ALPK2: variants seen among roughly 807,000 people sequenced by gnomAD.
ALPK2 encodes alpha kinase 2.
Under a neutral mutation model 163.1 loss-of-function variants are expected in ALPK2, and 127 were observed. That is an observed-to-expected ratio of 0.78 (90% CI 0.67 to 0.90). The LOEUF (loss-of-function observed/expected upper bound fraction) is 0.90, where lower values mean the gene tolerates loss of function less well. ALPK2 is among the 40% of genes least tolerant of loss of function. The pLI, the probability that ALPK2 is intolerant of heterozygous loss-of-function variation, is 0.00. For synonymous variants in ALPK2, 953 were observed against 959.1 expected, an observed-to-expected ratio of 0.99 and a Z score of 0.12; for missense variants, 2,360 against 2,589.6, an observed-to-expected ratio of 0.91 and a Z score of 1.92.
intron 8 of ALPK2, among the ~76,000 whole-genome samples, chr18:58,521,950 G>A (rs969597698): frequency 2.0e-5 from 3 of 151,972 alleles, no homozygotes; most frequent in East Asian, 1.9e-4. Flanking sequence ...TTTCTAAGTC[G>A]AGATCTCAGT....
Position 58,536,948 on chromosome 18 carries a change from G to A in ALPK2, c.3239C>T (p.Pro1080Leu), listed in dbSNP as rs1366362506. 1.2e-6 allele frequency: 2 copies of A among 1,614,058 alleles called. No homozygotes were observed. The highest frequency in any genetic ancestry group is 2.2e-5 in the East Asian group (1 of 44,892). ...KELLCRAPSV[P>L]GVPHHVLQLP... Reference sequence around the variant, plus strand: ...CTGCAGGACATGGTGTGGGACTCCTGGCACACTGGGTGCCCTGCAAAGTAG... The same window carrying A: ...CTGCAGGACATGGTGTGGGACTCCTAGCACACTGGGTGCCCTGCAAAGTAG... Residue 1080 changes from proline to leucine, a missense_variant, in exon 5 of 13, where the codon CCA (proline) becomes CTA (leucine). Transcript: ENST00000361673.
intron 6 of ALPK2, among the ~76,000 whole-genome samples, chr18:58,526,421 T>C (rs745444726): frequency 6.6e-6 from 1 of 152,116 alleles, no homozygotes; most frequent in African/African-American, 2.4e-5. Flanking sequence ...TCCAAGGAGA[T>C]CCTCCCATCC....
At chr18:58,538,563 A>C in intron 4 of ALPK2, 1 of 255,218 alleles carries the variant, frequency 3.9e-6, no homozygotes, top group Non-Finnish European at 7.5e-6. Flanking sequence ...AAGTCACAAC[A>C]AGAGCTGTGC....
rs1205815360 is a variant in ALPK2, at chr18:58,580,148, CTTCTGTGT to C, written c.620_627del (p.Asn207ArgfsTer10). 8 of 1,614,212 alleles carry C rather than the reference CTTCTGTGT, an allele frequency of 5.0e-6. No homozygotes were observed. Among genetic ancestry groups the C allele is most frequent in the Non-Finnish European group, 5.9e-6 (7 of 1,180,030 alleles). ...AGAAAAAGCAACCCATTTGCAATTT[CTTCTGTGT>C]TACTTGGATCATAAGCCTCTCCAGT... On this transcript the variant is annotated frameshift_variant, in exon 4 of 13. Coordinates refer to ENST00000361673, the MANE Select transcript of ALPK2 (RefSeq NM_052947.4). LOFTEE classifies it high-confidence loss of function.
At chr18:58,563,675 AT>A (rs1406069618) in intron 4 of ALPK2, among the ~76,000 whole-genome samples, 4 of 152,258 alleles carry the variant, frequency 2.6e-5, no homozygotes, top group Admixed American at 6.5e-5. Flanking sequence ...CATTTAAAAA[AT>A]ATCTTTAAAT....
chr18:58,554,792 C>T (rs1010529499), intron 4 of ALPK2, among the ~76,000 whole-genome samples: 1 of 152,176 alleles, frequency 6.6e-6, no homozygotes, highest in African/African-American at 2.4e-5. Flanking sequence ...CCACCCAAAT[C>T]TTATCTTGAA....
chr18:58,600,095 G>A (rs1160630210), intron 3 of ALPK2, among the ~76,000 whole-genome samples: 1 of 136,118 alleles, frequency 7.3e-6, no homozygotes, highest in African/African-American at 2.8e-5. Flanking sequence ...GGAGTGCAGT[G>A]GCATGATCTC....
At chr18:58,482,988 C>T (rs1456659913) in intron 12 of ALPK2, among the ~76,000 whole-genome samples, 1 of 152,136 alleles carries the variant, frequency 6.6e-6, no homozygotes, top group Non-Finnish European at 1.5e-5. Context: ...GTCTTCCTGC[C>T]AGCCACCAGA....
chr18:58,624,373 C>T (rs150463296), intron 1 of ALPK2, among the ~76,000 whole-genome samples: 160 of 152,234 alleles, frequency 1.1e-3, no homozygotes, highest in African/African-American at 3.7e-3. Context: ...AGGGTCCTGA[C>T]CAAAGTCCTG....
intron 12 of ALPK2, among the ~76,000 whole-genome samples, chr18:58,484,528 G>A (rs958512072): frequency 6.6e-6 from 1 of 152,120 alleles, no homozygotes; most frequent in African/African-American, 2.4e-5. Context: ...GGTGGATCAC[G>A]AGGTCAAGAG....
intron 11 of ALPK2, among the ~76,000 whole-genome samples, chr18:58,498,770 G>T (rs58871036): frequency 6.6e-6 from 1 of 152,092 alleles, no homozygotes; most frequent in African/African-American, 2.4e-5. Flanking sequence ...CATTCTGTCT[G>T]TGGCCTGCTG....
chr18:58,527,824 T>C (rs2051592029), intron 6 of ALPK2, among the ~76,000 whole-genome samples: 1 of 152,238 alleles, frequency 6.6e-6, no homozygotes, highest in Admixed American at 6.5e-5. Context: ...AGTTAGATGC[T>C]CTGGAGTGAT....
chr18:58,498,140 G>T, intron 11 of ALPK2, 43 bp from the exon 12 acceptor site: 1 of 1,605,526 alleles, frequency 6.2e-7, no homozygotes. Context: ...TGTTACTCAG[G>T]GCCCCTCAGG....
chr18:58,615,514 T>C (rs1239478207), intron 1 of ALPK2, among the ~76,000 whole-genome samples: 1 of 152,256 alleles, frequency 6.6e-6, no homozygotes, highest in Non-Finnish European at 1.5e-5. Context: ...GAATAATGTA[T>C]GTCAATTGCC....
intron 12 of ALPK2, among the ~76,000 whole-genome samples, chr18:58,492,264 A>T (rs1475234342): frequency 2.0e-5 from 3 of 152,018 alleles, no homozygotes; most frequent in Non-Finnish European, 4.4e-5. Context: ...AAAGACAAAG[A>T]CACGCACACA....
At chr18:58,571,877 G>A (rs551015852) in intron 4 of ALPK2, among the ~76,000 whole-genome samples, 79 of 151,012 alleles carry the variant, frequency 5.2e-4, no homozygotes, top group Admixed American at 1.1e-3. Flanking sequence ...TTGGGAGGCT[G>A]AGGCAGGAGA....
At chr18:58,572,600 G>A (rs2051891496) in intron 4 of ALPK2, among the ~76,000 whole-genome samples, 1 of 150,968 alleles carries the variant, frequency 6.6e-6, no homozygotes, top group South Asian at 2.1e-4. Flanking sequence ...GAATTCTGCT[G>A]AAAAAAAAAC....
At chr18:58,494,081 T>C (rs943408584) in intron 12 of ALPK2, among the ~76,000 whole-genome samples, 1 of 152,202 alleles carries the variant, frequency 6.6e-6, no homozygotes, top group African/African-American at 2.4e-5. Context: ...CGCATGGCTT[T>C]AGATCGGTCT....
At chr18:58,612,521 T>G (rs2052138430) in intron 1 of ALPK2, among the ~76,000 whole-genome samples, 1 of 152,208 alleles carries the variant, frequency 6.6e-6, no homozygotes, top group Non-Finnish European at 1.5e-5. Context: ...TCTCCTACAT[T>G]TTACAGAGGT....
Sources: allele counts gnomAD v4.1 joint callset (sites outside exome capture counted in the v4.1 genomes callset), GRCh38; gene constraint gnomAD v4.1.1; transcripts MANE v1.5; gene names NCBI Gene and HGNC (gene_info 2026-07-23, HGNC 2026-07-21).